Variants in WWOX observed in about 807,000 individuals in gnomAD.
The protein encoded by WWOX is WW domain containing oxidoreductase.
A neutral mutation model predicts 46.2 loss-of-function variants in WWOX; 69 were observed. The observed-to-expected ratio is 1.49, with a 90% CI of 1.23 to 1.82. WWOX has a LOEUF of 1.82. Among genes scored for constraint, WWOX ranks in the 40% most tolerant of loss-of-function variants. The pLI, the probability that WWOX is intolerant of heterozygous loss-of-function variation, is 0.00. For missense variants in WWOX, 919 were observed against 542.6 expected, an observed-to-expected ratio of 1.69 and a Z score of -6.89; for synonymous variants, 359 against 202.6, an observed-to-expected ratio of 1.77 and a Z score of -6.56.
chr16:79,150,974 C>T (rs1011470227), intron 8 of WWOX, among the ~76,000 whole-genome samples: 19 of 152,168 alleles, frequency 1.2e-4, no homozygotes, highest in Non-Finnish European at 2.5e-4. Context: ...CTTTTCATTT[C>T]TCCCTGATTT....
rs1159959050 is a variant in WWOX, at chr16:78,099,770, C to T, written c.-9C>T. 3 of 1,539,544 alleles carry T rather than the reference C, an allele frequency of 1.9e-6. No individual in the cohort carries two copies. The highest frequency in any genetic ancestry group is 2.4e-5 in the South Asian group (2 of 82,206). On this transcript the variant is annotated 5_prime_UTR_variant, in exon 1 of 9. Coordinates refer to ENST00000566780, the MANE Select transcript of WWOX (RefSeq NM_016373.4). ...GCGATAGGGGGGCCAGGTGCCTCCA[C>T]AGTCAGCCATGGCAGCGCTGCGCTA...
At chr16:78,527,790 G>C (rs1345380809) in intron 8 of WWOX, among the ~76,000 whole-genome samples, 2 of 151,340 alleles carry the variant, frequency 1.3e-5, no homozygotes, top group Non-Finnish European at 2.9e-5. Flanking sequence ...GAGACATCTG[G>C]GGTTGTCAGT....
At chr16:78,280,928 C>T (rs925270632) in intron 5 of WWOX, 1 of 153,162 alleles carries the variant, frequency 6.5e-6, no homozygotes, top group African/African-American at 2.4e-5. Context: ...AACAACTGTT[C>T]GAGAATTATG....
chr16:78,931,206 G>A (rs1258200348), intron 8 of WWOX, among the ~76,000 whole-genome samples: 1 of 152,186 alleles, frequency 6.6e-6, no homozygotes, highest in Non-Finnish European at 1.5e-5. Flanking sequence ...CTCAGGAATA[G>A]TGGAAAACTG....
At chr16:78,227,564 A>G (rs1002827762) in intron 5 of WWOX, among the ~76,000 whole-genome samples, 3 of 152,206 alleles carry the variant, frequency 2.0e-5, no homozygotes, top group Non-Finnish European at 4.4e-5. Context: ...GAAGGACCGC[A>G]GGAGAAGTTG....
intron 8 of WWOX, among the ~76,000 whole-genome samples, chr16:78,615,378 G>T (rs561613412): frequency 6.6e-6 from 1 of 152,288 alleles, no homozygotes; most frequent in East Asian, 1.9e-4. Flanking sequence ...GCTGGGTGCA[G>T]CACCTCACAC....
intron 5 of WWOX, among the ~76,000 whole-genome samples, chr16:78,240,363 A>C (rs1399463041): frequency 6.6e-6 from 1 of 152,114 alleles, no homozygotes; most frequent in African/African-American, 2.4e-5. Flanking sequence ...AGGAGAGGAC[A>C]CAGAGGAGAA....
At position 78,883,901 on chromosome 16, in the gene WWOX, T is replaced by TA. The variant is rs547697208; in HGVS notation, c.1057-327706dup. Among the ~76,000 whole-genome samples, 377 of 152,230 alleles carry TA rather than the reference T, an allele frequency of 2.5e-3. 2 individuals carry two copies. The highest frequency in any genetic ancestry group is 4.0e-3 in the Non-Finnish European group (274 of 68,012). ...AATTTAAAGGGAAAGAAAACCTCTTTATGATAGTAACATCAGTTGGTATAA... is the reference window on the plus strand; with the variant it reads ...AATTTAAAGGGAAAGAAAACCTCTTTAATGATAGTAACATCAGTTGGTATAA... On this transcript the variant is annotated intron_variant, in intron 8 of 8. Coordinates refer to ENST00000566780, the MANE Select transcript of WWOX (RefSeq NM_016373.4).
chr16:78,263,611 T>C (rs1364470377), intron 5 of WWOX, among the ~76,000 whole-genome samples: 1 of 151,504 alleles, frequency 6.6e-6, no homozygotes, highest in Non-Finnish European at 1.5e-5. Context: ...GTGATGGGGC[T>C]GTCAACAGAG....
chr16:78,218,800 C>T (rs74027941), intron 5 of WWOX, among the ~76,000 whole-genome samples: 3,193 of 152,330 alleles, frequency 0.021, 102 homozygotes, highest in African/African-American at 0.073. Flanking sequence ...TGTAAGTTTA[C>T]GTGCTATCTG....
At chr16:78,872,822 G>C (rs1047099264) in intron 8 of WWOX, 1 of 152,236 alleles carries the variant, frequency 6.6e-6, no homozygotes, top group Non-Finnish European at 1.5e-5. Flanking sequence ...TTTTGAGACA[G>C]GGTCTCGCTC....
At chr16:78,724,543 T>C (rs991211875) in intron 8 of WWOX, among the ~76,000 whole-genome samples, 1 of 152,206 alleles carries the variant, frequency 6.6e-6, no homozygotes, top group Non-Finnish European at 1.5e-5. Flanking sequence ...CAGTCCATTA[T>C]TTACAGTCCT....
intron 8 of WWOX, among the ~76,000 whole-genome samples, chr16:78,575,503 A>G (rs1279468906): frequency 1.3e-5 from 2 of 152,000 alleles, no homozygotes; most frequent in Non-Finnish European, 2.9e-5. Context: ...AGAAGGCACA[A>G]ATCGTCTGAT....
chr16:78,619,712 C>T (rs2046130044), intron 8 of WWOX, among the ~76,000 whole-genome samples: 1 of 151,848 alleles, frequency 6.6e-6, no homozygotes, highest in Non-Finnish European at 1.5e-5. Context: ...GGAGACCAGC[C>T]TGGGCAACAT....
At chr16:78,339,179 T>G (rs2080958216) in intron 5 of WWOX, among the ~76,000 whole-genome samples, 1 of 120,030 alleles carries the variant, frequency 8.3e-6, no homozygotes, top group African/African-American at 2.8e-5. Flanking sequence ...GTTTAAATTG[T>G]TATAAATAAG....
chr16:79,048,706 C>G (rs2048111130), intron 8 of WWOX, among the ~76,000 whole-genome samples: 1 of 152,110 alleles, frequency 6.6e-6, no homozygotes, highest in Non-Finnish European at 1.5e-5. Context: ...TTTCTTCAAA[C>G]TTTCAAATTG....
At chr16:78,831,990 C>G (rs2051840449) in intron 8 of WWOX, among the ~76,000 whole-genome samples, 1 of 152,176 alleles carries the variant, frequency 6.6e-6, no homozygotes, top group Non-Finnish European at 1.5e-5. Flanking sequence ...TCCACTAACT[C>G]ACTACCTAGG....
At position 78,691,255 on chromosome 16, in the gene WWOX, T is replaced by G. The variant is rs1407989770; in HGVS notation, c.1056+258503T>G. The G allele has an allele frequency of 1.3e-5, 9 of 702,148 alleles. No individual in the cohort carries two copies. The Admixed American group carries it at 1.8e-4, about 14-fold the overall frequency. 43.5% of individuals were successfully genotyped at this position (702,148 alleles called of 1,614,324 possible). On this transcript the variant is annotated intron_variant, in intron 8 of 8. Transcript: ENST00000566780. ...TTGTGATTCCAGGTTTCAGACTGCC[T>G]GGTAGAAGGAGGTCACTTCTGATTG...
chr16:78,830,100 C>T (rs1296475746), intron 8 of WWOX, among the ~76,000 whole-genome samples: 1 of 151,718 alleles, frequency 6.6e-6, no homozygotes, highest in Non-Finnish European at 1.5e-5. Context: ...ACCCTCATCT[C>T]TATAAAAAAT....
Sources: gnomAD v4.1 joint callset for allele counts (sites outside exome capture counted in the v4.1 genomes callset) on GRCh38, gnomAD v4.1.1 for gene constraint, MANE v1.5 for transcripts, NCBI Gene and HGNC (gene_info 2026-07-23, HGNC 2026-07-21) for gene names.